The following UMODL1 variants were observed in gnomAD, a reference collection of about 807,000 sequenced individuals.
UMODL1 encodes uromodulin-like 1.
A neutral mutation model predicts 136.3 loss-of-function variants in UMODL1; 128 were observed. The ratio of observed to expected loss-of-function variants is 0.94; its 90% CI spans 0.81 to 1.09. The LOEUF (loss-of-function observed/expected upper bound fraction) is 1.09, where lower values mean the gene tolerates loss of function less well. UMODL1 is among the 50% of genes least tolerant of loss of function. The pLI is 0.00. For missense variants in UMODL1, 1,766 were observed against 1,725.6 expected, an observed-to-expected ratio of 1.02 and a Z score of -0.41; for synonymous variants, 721 against 720.0, an observed-to-expected ratio of 1.00 and a Z score of -0.02.
intron 6 of UMODL1, among the ~76,000 whole-genome samples, chr21:42,097,132 G>C (rs1187803556): frequency 6.6e-6 from 1 of 152,180 alleles, no homozygotes; most frequent in Non-Finnish European, 1.5e-5. Flanking sequence ...ATCCATGTCT[G>C]TTTCCCTGAC....
In UMODL1 at chr21:42,105,079, C is replaced by T. The variant is rs1025653375; in HGVS notation, c.1519+992C>T. The stretch of plus-strand genomic sequence containing the variant: ...CCAACCTTCCCCCACCAGGAGGTGC[C>T]GGGAAGAACTGGGTTGGGTGTGGGG... On this transcript the variant is annotated intron_variant, in intron 9 of 22. Coordinates refer to ENST00000408910, the MANE Select transcript of UMODL1 (RefSeq NM_001004416.3). 3.9e-5 allele frequency among the ~76,000 whole-genome samples: 6 copies of T among 152,122 alleles called. No individual in the cohort carries two copies. The South Asian group carries it at 6.2e-4, about 16-fold the overall frequency.
At chr21:42,067,621 C>T (rs115424925), upstream of UMODL1, among the ~76,000 whole-genome samples, 488 of 152,328 alleles carry the variant, frequency 3.2e-3, no homozygotes, top group African/African-American at 0.011. Flanking sequence ...GAAAACACAC[C>T]GGCACGTGCG....
chr21:42,088,512 G>A (rs540731548), intron 5 of UMODL1, 32 bp downstream of exon 5: 2 of 1,570,722 alleles, frequency 1.3e-6, no homozygotes, highest in Admixed American at 3.5e-5. Context: ...CCTCTGGGGA[G>A]GCTGCAGGGT....
intron 16 of UMODL1, among the ~76,000 whole-genome samples, chr21:42,121,698 C>T (rs75052051): frequency 0.012 from 1,836 of 152,266 alleles, 36 homozygotes; most frequent in African/African-American, 0.04. Context: ...CAGGAATCTG[C>T]GTCAAGTGAA....
chr21:42,076,577 G>T (rs1460132666), intron 2 of UMODL1, among the ~76,000 whole-genome samples: 4 of 152,188 alleles, frequency 2.6e-5, no homozygotes, highest in African/African-American at 4.8e-5. Flanking sequence ...AGATGCCTGG[G>T]TCTCTTCCTG....
rs560040992 is a variant in UMODL1, at chr21:42,091,833, G to A, written c.931+1395G>A. On this transcript the variant is annotated intron_variant, in intron 6 of 22. Transcript: ENST00000408910. ...ACAGAGGCGGGGCTGGGCTGCATAC[G>A]TGAGTCCAGGGTCACCTCCAGGTGA... Among the ~76,000 whole-genome samples the A allele has an allele frequency of 7.9e-5, 12 of 152,338 alleles. No homozygotes were observed. The South Asian group carries it at 1.2e-3, about 16-fold the overall frequency.
At chr21:42,126,583 C>G (rs2067058787) in intron 18 of UMODL1, 93 bp downstream of exon 18, 1 of 1,563,008 alleles carries the variant, frequency 6.4e-7, no homozygotes, top group East Asian at 2.3e-5. Flanking sequence ...ACTTAAGGAC[C>G]CTTCCTTGAG....
chr21:42,109,114 A>G (rs34215708), intron 9 of UMODL1, among the ~76,000 whole-genome samples: 21,106 of 93,778 alleles, frequency 0.23, 4,696 homozygotes, highest in African/African-American at 0.29. Context: ...CTGGTGTTAT[A>G]CTCCGCTGGA....
intron 12 of UMODL1, chr21:42,112,938 C>T (rs149298051): frequency 6.5e-6 from 1 of 152,826 alleles, no homozygotes; most frequent in Non-Finnish European, 1.5e-5. Context: ...CCCCAGGTGA[C>T]ATCTCAGGAG....
chr21:42,132,847 C>T (rs1387666995), intron 21 of UMODL1, among the ~76,000 whole-genome samples: 1 of 152,170 alleles, frequency 6.6e-6, no homozygotes, highest in Non-Finnish European at 1.5e-5. Context: ...ATGAATTGTG[C>T]CTTATTTTCC....
chr21:42,108,510 A>G, intron 9 of UMODL1: 1 of 410,844 alleles, frequency 2.4e-6, no homozygotes. Context: ...AGCACTCAGC[A>G]GCAGGGTTTT....
At position 42,099,308 on chromosome 21, in the gene UMODL1, T is replaced by G; in HGVS notation, c.1186+128T>G. 1.5e-6 allele frequency: 2 copies of G among 1,335,726 alleles called. No homozygotes were observed. Among genetic ancestry groups the G allele is most frequent in the Non-Finnish European group, 2.0e-6 (2 of 1,000,680 alleles). The allele number at this position is 1,335,726 out of a possible 1,614,324, so 82.7% of individuals were successfully genotyped here. Reference sequence around the variant, plus strand: ...CCAGAAGTCACTGACCGCCCTGCACTTCCTCCCTCCCCTCCCAGTCATCCC... The same window carrying G: ...CCAGAAGTCACTGACCGCCCTGCACGTCCTCCCTCCCCTCCCAGTCATCCC... On this transcript the variant is annotated intron_variant, in intron 7 of 22. Coordinates refer to ENST00000408910, the MANE Select transcript of UMODL1 (RefSeq NM_001004416.3). The surrounding 1 kb of genome is among the most constrained non-coding windows in gnomAD (Gnocchi z 4.1).
chr21:42,105,773 C>T (rs973185671), intron 9 of UMODL1, among the ~76,000 whole-genome samples: 1 of 152,210 alleles, frequency 6.6e-6, no homozygotes, highest in African/African-American at 2.4e-5. Flanking sequence ...CCTGCTGACA[C>T]CTGGAGTTTG....
Position 42,084,123 on chromosome 21 carries a change from C to G in UMODL1, c.359C>G (p.Ala120Gly). The change falls in exon 3 of 23, where the codon GCC becomes GGC. Residue 120 changes from alanine to glycine, a missense_variant. Transcript: ENST00000408910. ...QSGQFTSRPG[A>G]CPAEGPEPST... ...GGGCAGTTCACGTCAAGACCTGGGG[C>G]CTGCCCCGCAGAGGGGCCTGAACCA... The G allele has an allele frequency of 6.2e-7, 1 of 1,614,126 alleles. No homozygotes were observed. The highest frequency in any genetic ancestry group is 8.5e-7 in the Non-Finnish European group (1 of 1,179,982).
At position 42,099,025 on chromosome 21, in the gene UMODL1, T is replaced by C. The variant is rs2066593124; in HGVS notation, c.1031T>C (p.Val344Ala). ...TCTACACAGAACCACACTTTCCATGTCCGGGTTTACCGGGGTATGGAGTTG... is the reference window on the plus strand; with the variant it reads ...TCTACACAGAACCACACTTTCCATGCCCGGGTTTACCGGGGTATGGAGTTG... ...LNSTQNHTFH[V>A]RVYRGMELLR... The change falls in exon 7 of 23, where the codon GTC becomes GCC. Residue 344 changes from valine to alanine, a missense_variant. Physicochemically the swap from Val to Ala is moderately conservative, Grantham distance 64. Coordinates refer to ENST00000408910, the MANE Select transcript of UMODL1 (RefSeq NM_001004416.3). The surrounding 1 kb of genome is among the most constrained non-coding windows in gnomAD (Gnocchi z 4.1). The C allele has an allele frequency of 3.1e-6, 5 of 1,614,104 alleles. No homozygotes were observed. Among genetic ancestry groups the C allele is most frequent in the Admixed American group, 1.7e-5 (1 of 60,010 alleles).
chr21:42,094,448 T>C (rs1397168560), intron 6 of UMODL1, among the ~76,000 whole-genome samples: 3 of 152,132 alleles, frequency 2.0e-5, no homozygotes, highest in East Asian at 3.8e-4. Flanking sequence ...CTAGCTGTGG[T>C]TGGGGAGGGC....
At chr21:42,129,232 A>G (rs1000946056) in intron 20 of UMODL1, among the ~76,000 whole-genome samples, 5 of 151,896 alleles carry the variant, frequency 3.3e-5, no homozygotes, top group Non-Finnish European at 5.9e-5. Flanking sequence ...TAGGACTTCA[A>G]TCCCTTTTTG....
chr21:42,106,303 G>T (rs538832236), intron 9 of UMODL1, among the ~76,000 whole-genome samples: 27 of 152,332 alleles, frequency 1.8e-4, no homozygotes, highest in African/African-American at 5.8e-4. Context: ...AGGATCTGTA[G>T]AAGAAGACAT....
chr21:42,092,354 G>C (rs1428379178), intron 6 of UMODL1, among the ~76,000 whole-genome samples: 1 of 151,828 alleles, frequency 6.6e-6, no homozygotes, highest in Non-Finnish European at 1.5e-5. Context: ...TTCCTTTCCA[G>C]GTTTTGACCT....
Sources: allele counts gnomAD v4.1 joint callset (sites outside exome capture counted in the v4.1 genomes callset), GRCh38; gene constraint gnomAD v4.1.1; non-coding constraint Gnocchi (gnomAD v3.1); transcripts MANE v1.5; gene names NCBI Gene and HGNC (gene_info 2026-07-23, HGNC 2026-07-21).